ABLIM1: variants seen among roughly 807,000 people sequenced by gnomAD.
ABLIM1 encodes the protein actin-binding LIM protein 1.
ABLIM1 carries 40 observed loss-of-function variants against 107.0 expected under a neutral mutation model. The ratio of observed to expected loss-of-function variants is 0.37; its 90% CI spans 0.29 to 0.49. The LOEUF (loss-of-function observed/expected upper bound fraction) is 0.49, where lower values mean the gene tolerates loss of function less well. Among genes scored for constraint, ABLIM1 ranks in the 20% least tolerant of loss-of-function variants. The pLI is 0.97. For missense variants in ABLIM1, 857 were observed against 1,008.5 expected (o/e 0.85, Z 2.04); for synonymous variants, 357 against 357.3 (o/e 1.00, Z 0.01).
At chr10:114,729,821 T>A (rs808353) in intron 1 of ABLIM1, among the ~76,000 whole-genome samples, 1 of 151,806 alleles carries the variant, frequency 6.6e-6, no homozygotes, top group Admixed American at 6.6e-5. Context: ...GGGTAAAAAA[T>A]AAGCCAATGA....
upstream of ABLIM1, among the ~76,000 whole-genome samples, chr10:114,688,425 C>T (rs11196876): frequency 1.3e-5 from 2 of 151,906 alleles, no homozygotes; most frequent in Admixed American, 6.6e-5. Flanking sequence ...TGAACTTGTA[C>T]GCCAATCATA....
At chr10:114,464,024 T>A (rs938449462) in intron 12 of ABLIM1, among the ~76,000 whole-genome samples, 1 of 152,106 alleles carries the variant, frequency 6.6e-6, no homozygotes, top group East Asian at 1.9e-4. Flanking sequence ...AGTAAGGACA[T>A]GAGCTTTTGG....
intron 4 of ABLIM1, among the ~76,000 whole-genome samples, chr10:114,548,485 C>G (rs1222624845): frequency 6.6e-6 from 1 of 152,154 alleles, no homozygotes; most frequent in Non-Finnish European, 1.5e-5. Flanking sequence ...CTTTTGAAGC[C>G]TGGGTTTCTT....
chr10:114,557,677 T>TTTG (rs1199514796), intron 4 of ABLIM1, among the ~76,000 whole-genome samples: 6 of 149,122 alleles, frequency 4.0e-5, no homozygotes, highest in Admixed American at 2.0e-4. Flanking sequence ...AGGTGTTTTT[T>TTTG]TTTTTTTTTT....
chr10:114,649,745 T>C (rs1410006754), intron 1 of ABLIM1, among the ~76,000 whole-genome samples: 1 of 152,142 alleles, frequency 6.6e-6, no homozygotes, highest in African/African-American at 2.4e-5. Context: ...GTATTCACCT[T>C]ATATTACCTT....
chr10:114,486,594 G>C (rs540975201), intron 8 of ABLIM1, among the ~76,000 whole-genome samples: 3 of 152,162 alleles, frequency 2.0e-5, no homozygotes, highest in Non-Finnish European at 2.9e-5. Context: ...TGACTATCCG[G>C]CTGATGGACT....
At chr10:114,464,423 T>C (rs1180480690) in intron 12 of ABLIM1, among the ~76,000 whole-genome samples, 5 of 152,166 alleles carry the variant, frequency 3.3e-5, no homozygotes, top group African/African-American at 9.6e-5. Flanking sequence ...TGACCTCAGG[T>C]GATCCACCTG....
Position 114,575,493 on chromosome 10 carries a change from C to T in ABLIM1, c.486G>A (p.Gly162=). 3.1e-6 allele frequency: 5 copies of T among 1,614,214 alleles called. No homozygotes were observed. In the East Asian group the frequency reaches 1.1e-4, roughly 36 times the overall value. The part of the protein sequence containing the change: ...RMYGTRCHGC[G]EFVEGEVVTA... ...TCACCACTTCGCCCTCCACGAACTC[C>T]CCACAGCCATGGCAGCGTGTCCCGT... The change falls in exon 3 of 23, where the codon GGG becomes GGA. Residue 162 remains glycine, a synonymous_variant. Transcript: ENST00000533213.
chr10:114,616,068 C>T (rs2077112885), intron 1 of ABLIM1, among the ~76,000 whole-genome samples: 1 of 152,050 alleles, frequency 6.6e-6, no homozygotes, highest in African/African-American at 2.4e-5. Context: ...GGCGGTGGCT[C>T]ACACGTGTAA....
the ABLIM1 span, among the ~76,000 whole-genome samples, chr10:114,787,619 G>C: frequency 6.8e-6 from 1 of 146,626 alleles, no homozygotes; most frequent in Non-Finnish European, 1.5e-5. Flanking sequence ...CCCCGTCCGG[G>C]AGGTGAGGGG....
intron 1 of ABLIM1, among the ~76,000 whole-genome samples, chr10:114,698,296 A>T (rs2081237137): frequency 6.6e-6 from 1 of 151,962 alleles, no homozygotes; most frequent in Non-Finnish European, 1.5e-5. Context: ...AGTTTACAGA[A>T]ATAAAAAAAT....
At chr10:114,575,365 C>A (rs1030802273) in intron 3 of ABLIM1, 51 bp downstream of exon 3, 1 of 1,589,074 alleles carries the variant, frequency 6.3e-7, no homozygotes. Flanking sequence ...CCCAAACCAG[C>A]ATTTCTCTGT....
intron 6 of ABLIM1, among the ~76,000 whole-genome samples, chr10:114,501,828 A>G (rs2060470705): frequency 6.6e-6 from 1 of 152,192 alleles, no homozygotes. Flanking sequence ...ATGAATCTAC[A>G]TTGATACATC....
At chr10:114,754,613 T>C (rs2082590295) in intron 1 of ABLIM1, among the ~76,000 whole-genome samples, 1 of 152,160 alleles carries the variant, frequency 6.6e-6, no homozygotes, top group Non-Finnish European at 1.5e-5. Flanking sequence ...AAAGGTTGCC[T>C]CCAAAGCAAG....
intron 2 of ABLIM1, among the ~76,000 whole-genome samples, chr10:114,577,047 T>C (rs2072678577): frequency 1.3e-5 from 2 of 152,154 alleles, no homozygotes; most frequent in African/African-American, 2.4e-5. Context: ...CTCATTCTGA[T>C]TGCAAATTCC....
chr10:114,753,728 A>G (rs561203395), intron 1 of ABLIM1, among the ~76,000 whole-genome samples: 1 of 152,360 alleles, frequency 6.6e-6, no homozygotes, highest in African/African-American at 2.4e-5. Flanking sequence ...AGTGCTTATT[A>G]TAAATTTCTA....
chr10:114,752,498 G>T (rs1433403217), intron 1 of ABLIM1, among the ~76,000 whole-genome samples: 1 of 152,148 alleles, frequency 6.6e-6, no homozygotes, highest in Non-Finnish European at 1.5e-5. Flanking sequence ...ATAGGTAAAC[G>T]TGCTCCACAG....
intron 2 of ABLIM1, among the ~76,000 whole-genome samples, chr10:114,581,446 C>T (rs1489991492): frequency 3.9e-5 from 6 of 152,316 alleles, no homozygotes; most frequent in Middle Eastern, 3.4e-3. Context: ...TGGGTCATAC[C>T]TAAAACTCTA....
rs114313725 is a variant in ABLIM1, at chr10:114,464,642, T to A, written c.1441+1056A>T. ...GTAATTCAATAAATAGCACAAACAT[T>A]TATCAGTGTAGAGAAAATTATACAT... On this transcript the variant is annotated intron_variant, in intron 12 of 22. Coordinates refer to ENST00000533213, the MANE Select transcript of ABLIM1 (RefSeq NM_002313.7). Among the ~76,000 whole-genome samples the A allele has an allele frequency of 7.2e-3, 1,103 of 152,264 alleles. 11 individuals carry two copies. Among genetic ancestry groups the A allele is most frequent in the African/African-American group, 0.025 (1,051 of 41,540 alleles).
Sources: gnomAD v4.1 joint callset for allele counts (sites outside exome capture counted in the v4.1 genomes callset) on GRCh38, gnomAD v4.1.1 for gene constraint, MANE v1.5 for transcripts, NCBI Gene and HGNC (gene_info 2026-07-23, HGNC 2026-07-21) for gene names.